The following GNAT3 variants were observed in gnomAD, a reference collection of about 807,000 sequenced individuals.
GNAT3 encodes guanine nucleotide-binding protein G(t) subunit alpha-3.
A neutral mutation model predicts 37.7 loss-of-function variants in GNAT3; 31 were observed. The observed-to-expected ratio is 0.82, with a 90% CI of 0.62 to 1.11. The LOEUF is 1.11. Among genes scored for constraint, GNAT3 ranks in the 50% most tolerant of loss-of-function variants. GNAT3 has a pLI of 0.00. For synonymous variants in GNAT3, 138 were observed against 139.8 expected (o/e 0.99, Z 0.09); for missense variants, 437 against 412.5 (o/e 1.06, Z -0.51).
At chr7:80,497,616 A>ATACGTATATACATATACGTATATACG (rs1562732930) in intron 1 of GNAT3, among the ~76,000 whole-genome samples, 1 of 117,532 alleles carries the variant, frequency 8.5e-6, no homozygotes, top group East Asian at 2.4e-4. Context: ...ACGTATATAC[A>ATACGTATATACATATACGTATATACG]TATACGTATA....
At chr7:80,505,484 A>G (rs55709220) in intron 1 of GNAT3, among the ~76,000 whole-genome samples, 6,087 of 152,222 alleles carry the variant, frequency 0.04, 180 homozygotes, top group Middle Eastern at 0.075. Flanking sequence ...CTCCTGCCTC[A>G]GCCTCCCGAG....
At chr7:80,479,256 T>G (rs189484871) in intron 3 of GNAT3, among the ~76,000 whole-genome samples, 88 of 152,280 alleles carry the variant, frequency 5.8e-4, no homozygotes, top group Non-Finnish European at 2.2e-4. Context: ...GTCACTGACT[T>G]CTGAATATGA....
chr7:80,471,739 A>G (rs910518075), intron 5 of GNAT3, among the ~76,000 whole-genome samples: 1 of 152,126 alleles, frequency 6.6e-6, no homozygotes, highest in East Asian at 1.9e-4. Context: ...TTGAAGACAG[A>G]AAGATATGCA....
intron 5 of GNAT3, among the ~76,000 whole-genome samples, chr7:80,469,864 G>T (rs1479679305): frequency 6.6e-6 from 1 of 152,068 alleles, no homozygotes; most frequent in African/African-American, 2.4e-5. Context: ...TGAAATAAAA[G>T]CTATTTAATG....
At chr7:80,474,028 A>G (rs1312239759) in intron 5 of GNAT3, among the ~76,000 whole-genome samples, 1 of 152,134 alleles carries the variant, frequency 6.6e-6, no homozygotes, top group Non-Finnish European at 1.5e-5. Context: ...TGCTCAAGCC[A>G]GAAGCATTTT....
At chr7:80,483,430 A>T (rs975698476) in intron 3 of GNAT3, among the ~76,000 whole-genome samples, 1 of 152,238 alleles carries the variant, frequency 6.6e-6, no homozygotes, top group South Asian at 2.1e-4. Flanking sequence ...TAACACCAAA[A>T]TGTATAGGTA....
rs918310679 is a variant in GNAT3 at position 80,511,177 on chromosome 7, G to GA, written c.118+631dup. 1.2e-3 allele frequency among the ~76,000 whole-genome samples: 179 copies of GA among 148,562 alleles called. 1 individual carries two copies. The highest frequency in any genetic ancestry group is 4.0e-3 in the African/African-American group (162 of 40,554). On this transcript the variant is annotated intron_variant, in intron 1 of 7. Transcript: ENST00000398291. Reference sequence around the variant, plus strand: ...AAACAGTGCTGAGTTTTGAAAGAAGGAAAAAAAAATAAAAGAGACATAAAT... The same window carrying GA: ...AAACAGTGCTGAGTTTTGAAAGAAGGAAAAAAAAAATAAAAGAGACATAAAT...
At chr7:80,489,870 G>C (rs1790558605) in intron 2 of GNAT3, among the ~76,000 whole-genome samples, 1 of 152,110 alleles carries the variant, frequency 6.6e-6, no homozygotes, top group South Asian at 2.1e-4. Flanking sequence ...AATGGCAACT[G>C]TGAATAAACA....
chr7:80,473,999 G>A (rs562918879), intron 5 of GNAT3, among the ~76,000 whole-genome samples: 1 of 152,154 alleles, frequency 6.6e-6, no homozygotes, highest in African/African-American at 2.4e-5. Context: ...CATGAGGAAA[G>A]TAAAATCTAG....
intron 5 of GNAT3, among the ~76,000 whole-genome samples, chr7:80,462,954 A>G (rs770611029): frequency 3.3e-5 from 5 of 152,158 alleles, no homozygotes; most frequent in African/African-American, 7.2e-5. Context: ...AAGTTTAGAC[A>G]TATTCTCTTG....
chr7:80,492,180 A>AC (rs917195842), intron 2 of GNAT3, among the ~76,000 whole-genome samples: 4 of 91,680 alleles, frequency 4.4e-5, no homozygotes, highest in Non-Finnish European at 7.7e-5. Context: ...AAATACCAAA[A>AC]AAAAAAAAAA....
chr7:80,501,825 T>A (rs1253033491), intron 1 of GNAT3, among the ~76,000 whole-genome samples: 1 of 151,946 alleles, frequency 6.6e-6, no homozygotes, highest in African/African-American at 2.4e-5. Flanking sequence ...AGTAAACATA[T>A]GGTGTCAGAT....
chr7:80,502,688 A>G (rs1790858003), intron 1 of GNAT3, among the ~76,000 whole-genome samples: 1 of 151,886 alleles, frequency 6.6e-6, no homozygotes, highest in South Asian at 2.1e-4. Context: ...GATCTAATAG[A>G]TATCCATTTG....
intron 5 of GNAT3, among the ~76,000 whole-genome samples, chr7:80,467,390 C>T (rs1790143793): frequency 6.6e-6 from 1 of 152,064 alleles, no homozygotes; most frequent in African/African-American, 2.4e-5. Flanking sequence ...TCTCTAATGC[C>T]ATCTGCTATT....
chr7:80,493,163 T>C (rs1011494391), intron 2 of GNAT3, among the ~76,000 whole-genome samples: 3 of 152,160 alleles, frequency 2.0e-5, no homozygotes, highest in African/African-American at 4.8e-5. Context: ...ATTGGTCTTT[T>C]TTTTTCTTTA....
At chr7:80,507,088 G>C (rs761886027) in intron 1 of GNAT3, among the ~76,000 whole-genome samples, 4 of 152,012 alleles carry the variant, frequency 2.6e-5, no homozygotes, top group Admixed American at 2.6e-4. Context: ...TTTACATGTT[G>C]TTAAGAAGAT....
intron 2 of GNAT3, among the ~76,000 whole-genome samples, chr7:80,489,741 A>G (rs551268204): frequency 6.6e-6 from 1 of 152,278 alleles, no homozygotes; most frequent in South Asian, 2.1e-4. Context: ...ATAAGTAAAT[A>G]AAATAGACAA....
intron 2 of GNAT3, among the ~76,000 whole-genome samples, chr7:80,491,452 T>C (rs1313896588): frequency 6.6e-6 from 1 of 152,190 alleles, no homozygotes; most frequent in African/African-American, 2.4e-5. Flanking sequence ...GTGAAAATCA[T>C]AGAACTCTAG....
intron 4 of GNAT3, among the ~76,000 whole-genome samples, chr7:80,474,609 GTTT>G (rs746750791): frequency 2.0e-5 from 3 of 152,132 alleles, no homozygotes; most frequent in South Asian, 2.1e-4. Context: ...CGAATTAAAA[GTTT>G]GGTAGCTGGA....
Sources: allele counts gnomAD v4.1 joint callset (sites outside exome capture counted in the v4.1 genomes callset), GRCh38; gene constraint gnomAD v4.1.1; transcripts MANE v1.5; gene names NCBI Gene and HGNC (gene_info 2026-07-23, HGNC 2026-07-21).